TECRL: variants seen among roughly 807,000 people sequenced by gnomAD.
TECRL encodes trans-2,3-enoyl-CoA reductase like, also known as trans-2,3-enoyl-CoA reductase-like.
A neutral mutation model predicts 52.8 loss-of-function variants in TECRL; 63 were observed. The ratio of observed to expected loss-of-function variants is 1.19; its 90% CI spans 0.97 to 1.47. The LOEUF (loss-of-function observed/expected upper bound fraction) is 1.47. TECRL is among the 40% of genes most tolerant of loss of function. The probability of loss-of-function intolerance (pLI) is 0.00; values close to 1 mark genes in which losing one functional copy is unlikely to be tolerated. For missense variants in TECRL, 482 were observed against 429.6 expected (o/e 1.12, Z -1.08); for synonymous variants, 164 against 141.9 (o/e 1.16, Z -1.10).
At chr4:64,290,151 A>C (rs1477228030) in intron 8 of TECRL, among the ~76,000 whole-genome samples, 1 of 152,170 alleles carries the variant, frequency 6.6e-6, no homozygotes, top group Non-Finnish European at 1.5e-5. Flanking sequence ...AACAGTAAAA[A>C]TATTTCTAGT....
intron 2 of TECRL, among the ~76,000 whole-genome samples, chr4:64,363,033 G>T (rs1721309559): frequency 6.6e-6 from 1 of 151,550 alleles, no homozygotes; most frequent in Middle Eastern, 3.4e-3. Flanking sequence ...AAAAGAAGTG[G>T]TTGCTAGTCT....
rs532995016 is a variant in TECRL, at chr4:64,360,744, C to T, written c.286+14428G>A. Among the ~76,000 whole-genome samples the T allele has an allele frequency of 1.8e-4, 27 of 152,214 alleles. No individual in the cohort carries two copies. The East Asian group carries it at 4.7e-3, about 26-fold the overall frequency. On this transcript the variant is annotated intron_variant, in intron 2 of 11. Transcript: ENST00000381210. The stretch of plus-strand genomic sequence containing the variant: ...GGGACTCATTCCTGGCCCTGAATGG[C>T]TCCTGGGGAAAGGGTGAGTGCAATA...
chr4:64,282,501 C>A (rs1035140735), intron 9 of TECRL, among the ~76,000 whole-genome samples: 1 of 151,806 alleles, frequency 6.6e-6, no homozygotes, highest in African/African-American at 2.4e-5. Context: ...AATATGTAGG[C>A]CTTTTGTTAT....
rs200904927 is a variant in TECRL at position 64,378,245 on chromosome 4, G to GA, written c.235-3023dup. Among the ~76,000 whole-genome samples, 974 of 152,002 alleles carry GA rather than the reference G, an allele frequency of 6.4e-3. 7 individuals carry two copies. The highest frequency in any genetic ancestry group is 0.022 in the African/African-American group (921 of 41,506). On this transcript the variant is annotated intron_variant, in intron 1 of 11. Transcript: ENST00000381210. ...TAAGCTTGATTAATTCAGGAAAATG[G>GA]AAAAAAATAGGTCTGAGAATTTCCA...
At chr4:64,321,247 T>C (rs1048355417) in intron 4 of TECRL, among the ~76,000 whole-genome samples, 1 of 151,992 alleles carries the variant, frequency 6.6e-6, no homozygotes, top group African/African-American at 2.4e-5. Flanking sequence ...AATTAATAAA[T>C]TTAAAATTAA....
chr4:64,364,480 T>G (rs1000080598), intron 2 of TECRL, among the ~76,000 whole-genome samples: 1 of 151,886 alleles, frequency 6.6e-6, no homozygotes, highest in African/African-American at 2.4e-5. Context: ...AGTTTATTTT[T>G]TAAAATAATA....
At chr4:64,313,445 T>A (rs1035315681) in intron 5 of TECRL, among the ~76,000 whole-genome samples, 13 of 150,620 alleles carry the variant, frequency 8.6e-5, no homozygotes, top group Admixed American at 4.7e-4. Flanking sequence ...ACACCACAAT[T>A]ATATAGAATA....
intron 2 of TECRL, among the ~76,000 whole-genome samples, chr4:64,353,416 A>G (rs1202694973): frequency 6.6e-6 from 1 of 152,174 alleles, no homozygotes; most frequent in African/African-American, 2.4e-5. Context: ...ATTAAAAGGT[A>G]TAAAGACTTG....
chr4:64,296,730 T>C (rs1723707534), intron 8 of TECRL, among the ~76,000 whole-genome samples: 1 of 151,676 alleles, frequency 6.6e-6, no homozygotes, highest in African/African-American at 2.4e-5. Context: ...AATTGTGATT[T>C]TGGTATTTTT....
In TECRL at chr4:64,409,317, C is replaced by T. The variant is rs376067868; in HGVS notation, c.35G>A (p.Arg12His). ...FKRHKSLASE[R>H]KRALLSQRAT... ...TCTTTGGGAAAGTAATGCTCTCTTG[C>T]GTTCCGAAGCGAGGGACTTGTGCCT... Residue 12 changes from arginine to histidine, a missense_variant, in exon 1 of 12, where the codon CGC (arginine) becomes CAC (histidine). Coordinates refer to ENST00000381210, the MANE Select transcript of TECRL (RefSeq NM_001010874.5). 3.7e-6 allele frequency: 6 copies of T among 1,613,594 alleles called. No individual in the cohort carries two copies. Among genetic ancestry groups the T allele is most frequent in the East Asian group, 2.2e-5 (1 of 44,840 alleles).
chr4:64,398,624 A>G (rs76504859), intron 1 of TECRL, among the ~76,000 whole-genome samples: 4,390 of 152,182 alleles, frequency 0.029, 200 homozygotes, highest in African/African-American at 0.098. Context: ...GGACAATTAA[A>G]CCTCTTTCCT....
intron 8 of TECRL, among the ~76,000 whole-genome samples, chr4:64,298,644 A>G (rs540526993): frequency 3.3e-5 from 5 of 151,344 alleles, no homozygotes; most frequent in African/African-American, 1.2e-4. Context: ...GAAGAAATTA[A>G]TAATATTACA....
intron 2 of TECRL, among the ~76,000 whole-genome samples, chr4:64,347,651 A>G (rs1385390162): frequency 1.3e-5 from 2 of 152,116 alleles, no homozygotes; most frequent in Admixed American, 1.3e-4. Context: ...GGAAATTGCC[A>G]TTTATAAAGC....
chr4:64,309,823 C>T lies in TECRL; in HGVS notation c.657+3G>A, dbSNP rs1441784500. 1 of 1,566,686 alleles carries T rather than the reference C, an allele frequency of 6.4e-7. No homozygotes were observed. The highest frequency in any genetic ancestry group is 1.7e-5 in the Admixed American group (1 of 59,392). ...CATTATTAAAAACACAAAGCATCCT[C>T]ACCATTATCAAATTTTTCAAAGGTG... is the stretch of plus-strand genomic sequence containing the variant. On this transcript the variant is annotated splice_donor_region_variant and intron_variant, in intron 6 of 11. Coordinates refer to ENST00000381210, the MANE Select transcript of TECRL (RefSeq NM_001010874.5).
intron 4 of TECRL, among the ~76,000 whole-genome samples, chr4:64,320,869 TAAACATTAA>T (rs1482487891): frequency 6.6e-6 from 1 of 152,118 alleles, no homozygotes; most frequent in Non-Finnish European, 1.5e-5. Context: ...GGTTGTTTTC[TAAACATTAA>T]AATGTGCTTC....
At chr4:64,360,231 T>A (rs1218400306) in intron 2 of TECRL, among the ~76,000 whole-genome samples, 1 of 135,596 alleles carries the variant, frequency 7.4e-6, no homozygotes, top group Non-Finnish European at 1.6e-5. Flanking sequence ...TAATGGGAGA[T>A]AAATTCAGTG....
In TECRL at chr4:64,340,184, G is replaced by T. The variant is rs140777477; in HGVS notation, c.287-11628C>A. ...GAGCTGGCAGAAGCCAGGAAAAAGC[G>T]GGAGATTCACCCCTTATAAGTAGGG... is the stretch of plus-strand genomic sequence containing the variant. On this transcript the variant is annotated intron_variant, in intron 2 of 11. Transcript: ENST00000381210. Among the ~76,000 whole-genome samples, 166 of 152,180 alleles carry T rather than the reference G, an allele frequency of 1.1e-3. 6 individuals carry two copies. Among genetic ancestry groups the T allele is most frequent in the Non-Finnish European group, 2.4e-4 (16 of 68,032 alleles).
At chr4:64,289,048 T>A (rs189794226) in intron 9 of TECRL, among the ~76,000 whole-genome samples, 97 of 152,276 alleles carry the variant, frequency 6.4e-4, no homozygotes, top group African/African-American at 1.9e-3. Flanking sequence ...TTTTCAAGAG[T>A]TTGTTGAATT....
rs890817003 is a variant in TECRL, at chr4:64,373,788, G to C, written c.286+1384C>G. Reference sequence around the variant, plus strand: ...GGAGACACTTTATTAGATAGAATTGGTCTAAGTCAGTGTAATGCCACAAAG... The same window carrying C: ...GGAGACACTTTATTAGATAGAATTGCTCTAAGTCAGTGTAATGCCACAAAG... On this transcript the variant is annotated intron_variant, in intron 2 of 11. Coordinates refer to ENST00000381210, the MANE Select transcript of TECRL (RefSeq NM_001010874.5). Among the ~76,000 whole-genome samples the C allele has an allele frequency of 6.6e-5, 10 of 151,184 alleles. No individual in the cohort carries two copies. In the East Asian group the frequency reaches 1.9e-3, roughly 29 times the overall value.
Sources: allele counts gnomAD v4.1 joint callset (sites outside exome capture counted in the v4.1 genomes callset), GRCh38; gene constraint gnomAD v4.1.1; transcripts MANE v1.5; gene names NCBI Gene and HGNC (gene_info 2026-07-23, HGNC 2026-07-21).